Variants in GABRA4 observed in about 807,000 individuals in gnomAD.
GABRA4 encodes the protein gamma-aminobutyric acid type A receptor subunit alpha4.
In GABRA4, 12 loss-of-function variants were observed where a neutral mutation model predicts 49.7. That is an observed-to-expected ratio of 0.24 (90% confidence interval 0.15 to 0.39). The LOEUF (loss-of-function observed/expected upper bound fraction) is 0.39, where lower values mean the gene tolerates loss of function less well. Ranked by LOEUF, GABRA4 falls within the 10% of genes least tolerant of loss-of-function variation. GABRA4 has a pLI of 1.00. For synonymous variants in GABRA4, 288 were observed against 240.2 expected (o/e 1.20, Z -1.84); for missense variants, 506 against 686.0 (o/e 0.74, Z 2.93).
intron 2 of GABRA4, among the ~76,000 whole-genome samples, chr4:46,981,388 C>A (rs1383712405): frequency 6.6e-6 from 1 of 152,048 alleles, no homozygotes; most frequent in Non-Finnish European, 1.5e-5. Context: ...GCATAACATG[C>A]TACTTTCTCA....
chr4:46,978,762 C>T (rs1422493061), intron 3 of GABRA4, among the ~76,000 whole-genome samples: 8 of 150,024 alleles, frequency 5.3e-5, no homozygotes, highest in Non-Finnish European at 4.4e-5. Flanking sequence ...AAAAAAGCTG[C>T]ACCCTAGGTT....
intron 7 of GABRA4, among the ~76,000 whole-genome samples, chr4:46,970,555 A>T (rs533164522): frequency 6.6e-6 from 1 of 151,562 alleles, no homozygotes; most frequent in South Asian, 2.1e-4. Context: ...AGAAAAACCA[A>T]TGTTTAGAAA....
In GABRA4 at chr4:46,925,929, G is replaced by GA. The variant is rs1353230122; in HGVS notation, c.*2295dup. 6.6e-6 allele frequency: 1 copy of GA among 150,918 alleles called. No homozygotes were observed. Among genetic ancestry groups the GA allele is most frequent in the East Asian group, 1.9e-4 (1 of 5,148 alleles). The allele number at this position is 150,918 out of a possible 1,614,324, so 9.3% of individuals were successfully genotyped here. A position where few individuals can be genotyped will look rare whatever the true frequency, so the allele number is the denominator to read the frequency against. ...TTTAAACCTTCATATGTAAAGGTAAGAAAAAAAATCATTTCTTTTTATCTC... is the reference window on the plus strand; with the variant it reads ...TTTAAACCTTCATATGTAAAGGTAAGAAAAAAAAATCATTTCTTTTTATCTC... On this transcript the variant is annotated 3_prime_UTR_variant, in exon 9 of 9. Coordinates refer to ENST00000264318, the MANE Select transcript of GABRA4 (RefSeq NM_000809.4).
chr4:46,964,210 A>C (rs1476474272), intron 8 of GABRA4, among the ~76,000 whole-genome samples: 1 of 151,846 alleles, frequency 6.6e-6, no homozygotes, highest in Non-Finnish European at 1.5e-5. Context: ...TCTAAAAATC[A>C]AAACAATTGA....
chr4:46,948,987 A>C (rs1422363576), intron 8 of GABRA4, among the ~76,000 whole-genome samples: 1 of 152,132 alleles, frequency 6.6e-6, no homozygotes, highest in African/African-American at 2.4e-5. Context: ...AGAACAAAGC[A>C]GCAGTATTTA....
At chr4:46,941,040 A>C (rs1001398005) in intron 8 of GABRA4, among the ~76,000 whole-genome samples, 2 of 152,100 alleles carry the variant, frequency 1.3e-5, no homozygotes, top group African/African-American at 4.8e-5. Context: ...CAGATTGCAA[A>C]TTTAGCATGA....
chr4:46,971,650 T>C (rs930513239), intron 6 of GABRA4, among the ~76,000 whole-genome samples: 44 of 151,150 alleles, frequency 2.9e-4, no homozygotes, highest in African/African-American at 9.9e-4. Flanking sequence ...CACTGACACA[T>C]ACACACACAT....
At chr4:46,965,910 T>C (rs760401500) in intron 7 of GABRA4, among the ~76,000 whole-genome samples, 3 of 151,800 alleles carry the variant, frequency 2.0e-5, no homozygotes, top group Non-Finnish European at 2.9e-5. Flanking sequence ...TTTGGCATTA[T>C]AAATATTGGA....
intron 8 of GABRA4, among the ~76,000 whole-genome samples, chr4:46,952,297 C>T (rs1436524901): frequency 1.3e-5 from 2 of 151,968 alleles, no homozygotes; most frequent in Admixed American, 1.3e-4. Context: ...TGGGAAAGTA[C>T]ATGATGTATT....
At chr4:46,961,155 ACTAT>A (rs1316938431) in intron 8 of GABRA4, among the ~76,000 whole-genome samples, 1 of 151,876 alleles carries the variant, frequency 6.6e-6, no homozygotes, top group Non-Finnish European at 1.5e-5. Context: ...GAAAATATAA[ACTAT>A]CTAAACTTAC....
intron 3 of GABRA4, among the ~76,000 whole-genome samples, chr4:46,978,662 G>A (rs13132953): frequency 7.5e-6 from 1 of 133,494 alleles, no homozygotes; most frequent in Non-Finnish European, 1.6e-5. Context: ...ACTCCAGCCT[G>A]GGCAACAAGA....
rs563442940 is a variant in GABRA4 at position 46,967,693 on chromosome 4, G to A, written c.875-2464C>T. Reference sequence around the variant, plus strand: ...TTCATCTGTCGTGTATGGCTTAGCCGGCATCTACCCTGAACACATTTAAAA... The same window carrying A: ...TTCATCTGTCGTGTATGGCTTAGCCAGCATCTACCCTGAACACATTTAAAA... On this transcript the variant is annotated intron_variant, in intron 7 of 8. Transcript: ENST00000264318. 2.0e-5 allele frequency among the ~76,000 whole-genome samples: 3 copies of A among 151,572 alleles called. No individual in the cohort carries two copies. The East Asian group carries it at 5.8e-4, about 30-fold the overall frequency.
chr4:46,936,265 T>C (rs1721599621), intron 8 of GABRA4, among the ~76,000 whole-genome samples: 2 of 152,218 alleles, frequency 1.3e-5, no homozygotes, highest in African/African-American at 4.8e-5. Flanking sequence ...TTTCCTTTTT[T>C]TGAGACAGAG....
intron 8 of GABRA4, among the ~76,000 whole-genome samples, chr4:46,959,044 A>G (rs2109366640): frequency 6.6e-6 from 1 of 152,126 alleles, no homozygotes; most frequent in South Asian, 2.1e-4. Flanking sequence ...TTCAAAACTT[A>G]TAATTCTTAG....
At chr4:46,942,500 C>G (rs1253012091) in intron 8 of GABRA4, among the ~76,000 whole-genome samples, 1 of 151,912 alleles carries the variant, frequency 6.6e-6, no homozygotes, top group Non-Finnish European at 1.5e-5. Flanking sequence ...TGGTGCACAC[C>G]TGTAATCCCA....
intron 8 of GABRA4, among the ~76,000 whole-genome samples, chr4:46,937,400 A>G (rs1183200497): frequency 6.6e-6 from 1 of 152,206 alleles, no homozygotes. Context: ...ATAAAATTAA[A>G]TTCAAGACAC....
rs1721285601 is a variant in GABRA4, at chr4:46,927,948, C to T, written c.*277G>A. On this transcript the variant is annotated 3_prime_UTR_variant, in exon 9 of 9. Transcript: ENST00000264318. ...ATGAAAAAATATGCGCCACTTGTCT[C>T]TAATAGCTCTATTTCTCTTATCCCA... is the stretch of plus-strand genomic sequence containing the variant. 1 of 262,880 alleles carries T rather than the reference C, an allele frequency of 3.8e-6. No homozygotes were observed. The highest frequency in any genetic ancestry group is 2.2e-5 in the African/African-American group (1 of 44,506). 16.3% of individuals were successfully genotyped at this position (262,880 alleles called of 1,614,324 possible).
intron 8 of GABRA4, among the ~76,000 whole-genome samples, chr4:46,936,283 C>G (rs544776613): frequency 3.3e-5 from 5 of 152,056 alleles, no homozygotes; most frequent in Admixed American, 6.6e-5. Flanking sequence ...GAGTTTCGCT[C>G]TTGTTGCCCA....
At chr4:46,972,413 CTTAT>C (rs1334894015) in intron 6 of GABRA4, among the ~76,000 whole-genome samples, 1 of 151,372 alleles carries the variant, frequency 6.6e-6, no homozygotes, top group African/African-American at 2.4e-5. Context: ...TCTATTTTAT[CTTAT>C]TTATGTTTAA....
Sources: allele counts gnomAD v4.1 joint callset (sites outside exome capture counted in the v4.1 genomes callset), GRCh38; gene constraint gnomAD v4.1.1; transcripts MANE v1.5; gene names NCBI Gene and HGNC (gene_info 2026-07-23, HGNC 2026-07-21).